SUGCT: variants seen among roughly 807,000 people sequenced by gnomAD.
The protein encoded by SUGCT is succinyl-CoA:glutarate-CoA transferase.
A neutral mutation model predicts 55.0 loss-of-function variants in SUGCT; 41 were observed. That is an observed-to-expected ratio of 0.74 (90% CI 0.58 to 0.97). The LOEUF (loss-of-function observed/expected upper bound fraction) is 0.97, where lower values mean the gene tolerates loss of function less well. Among genes scored for constraint, SUGCT ranks in the 50% least tolerant of loss-of-function variants. The probability of loss-of-function intolerance (pLI) is 0.00; values close to 1 mark genes in which losing one functional copy is unlikely to be tolerated. For synonymous variants in SUGCT, 187 were observed against 200.4 expected, an observed-to-expected ratio of 0.93 and a Z score of 0.56; for missense variants, 568 against 547.8, an observed-to-expected ratio of 1.04 and a Z score of -0.37.
At chr7:40,767,225 C>A (rs777654770) in intron 13 of SUGCT, among the ~76,000 whole-genome samples, 1 of 152,050 alleles carries the variant, frequency 6.6e-6, no homozygotes, top group African/African-American at 2.4e-5. Context: ...ACATAGGTGG[C>A]GTCTTCATAG....
chr7:40,316,953 C>CTTTTTTTTTTT, intron 9 of SUGCT, 98 bp downstream of exon 9: 12 of 183,516 alleles, frequency 6.5e-5, no homozygotes, highest in East Asian at 2.2e-4. Context: ...AATCCTTCAG[C>CTTTTTTTTTTT]TGTTTTTTTT....
At chr7:40,293,434 G>A (rs1305132013) in intron 8 of SUGCT, among the ~76,000 whole-genome samples, 2 of 152,188 alleles carry the variant, frequency 1.3e-5, no homozygotes, top group Non-Finnish European at 2.9e-5. Flanking sequence ...GGCATGGTCT[G>A]TGTACTGAGG....
intron 10 of SUGCT, among the ~76,000 whole-genome samples, chr7:40,453,302 C>T (rs185979785): frequency 2.6e-5 from 4 of 152,320 alleles, no homozygotes; most frequent in South Asian, 2.1e-4. Context: ...CCTCCATTCT[C>T]CTGTTGCATG....
intron 13 of SUGCT, among the ~76,000 whole-genome samples, chr7:40,826,489 A>C (rs1792317734): frequency 6.6e-6 from 1 of 152,204 alleles, no homozygotes; most frequent in Non-Finnish European, 1.5e-5. Flanking sequence ...AATCAGATGG[A>C]GAATGGGAGT....
intron 9 of SUGCT, among the ~76,000 whole-genome samples, chr7:40,447,578 G>A (rs892394622): frequency 6.6e-6 from 1 of 151,978 alleles, no homozygotes; most frequent in African/African-American, 2.4e-5. Flanking sequence ...ATAGAAGAAG[G>A]GAACAAAGGA....
At chr7:40,811,578 T>C (rs987206776) in intron 13 of SUGCT, among the ~76,000 whole-genome samples, 1 of 152,128 alleles carries the variant, frequency 6.6e-6, no homozygotes, top group Non-Finnish European at 1.5e-5. Context: ...TTGAACATTA[T>C]TGGTGTATAG....
chr7:40,931,370 G>A, the SUGCT span, among the ~76,000 whole-genome samples: 2 of 152,148 alleles, frequency 1.3e-5, no homozygotes, highest in East Asian at 3.9e-4. Flanking sequence ...CAGAGATATT[G>A]GTCTAAAATT....
intron 12 of SUGCT, among the ~76,000 whole-genome samples, chr7:40,744,606 G>T (rs1787637141): frequency 6.6e-6 from 1 of 152,038 alleles, no homozygotes; most frequent in Non-Finnish European, 1.5e-5. Context: ...GTGAAATCTT[G>T]GACAAATACT....
At chr7:40,156,755 G>A (rs371454198) in intron 1 of SUGCT, among the ~76,000 whole-genome samples, 29 of 152,134 alleles carry the variant, frequency 1.9e-4, no homozygotes, top group African/African-American at 6.8e-4. Context: ...GTTTCACTAT[G>A]TGTTATTAAG....
In SUGCT at chr7:40,173,513, T is replaced by G. The variant is rs543769091; in HGVS notation, c.101-7434T>G. ...AGGGGACCCAAAGGGGGTTGCCCAC[T>G]CCCGGCTCAAATGCCTGGGGTTTAT... On this transcript the variant is annotated intron_variant, in intron 1 of 13. Coordinates refer to ENST00000335693, the MANE Select transcript of SUGCT (RefSeq NM_001193313.2). 1.7e-4 allele frequency among the ~76,000 whole-genome samples: 26 copies of G among 152,296 alleles called. 1 individual carries two copies. The highest frequency in any genetic ancestry group is 1.6e-3 in the Admixed American group (24 of 15,294).
intron 13 of SUGCT, chr7:40,808,133 C>T (rs1791210652): frequency 6.6e-6 from 1 of 152,226 alleles, no homozygotes; most frequent in South Asian, 2.1e-4. Context: ...CTACTCCACC[C>T]TTACCCTGTT....
intron 6 of SUGCT, among the ~76,000 whole-genome samples, chr7:40,226,435 C>T (rs902844304): frequency 6.6e-6 from 1 of 152,114 alleles, no homozygotes; most frequent in African/African-American, 2.4e-5. Flanking sequence ...TTGCTGACCA[C>T]GTCTCATTTA....
the SUGCT span, among the ~76,000 whole-genome samples, chr7:40,937,489 G>A: frequency 6.6e-6 from 1 of 152,128 alleles, no homozygotes; most frequent in South Asian, 2.1e-4. Context: ...TATTGGAAGT[G>A]TTATATTAAA....
intron 12 of SUGCT, among the ~76,000 whole-genome samples, chr7:40,569,055 T>A (rs1386074371): frequency 6.6e-6 from 1 of 152,234 alleles, no homozygotes; most frequent in Non-Finnish European, 1.5e-5. Flanking sequence ...AGGTAACTTT[T>A]TAAAAATGAG....
At chr7:40,357,437 T>A (rs1797929783) in intron 9 of SUGCT, among the ~76,000 whole-genome samples, 1 of 152,232 alleles carries the variant, frequency 6.6e-6, no homozygotes, top group South Asian at 2.1e-4. Context: ...TAAAAAAATG[T>A]GACCCTACCA....
chr7:40,202,388 TG>T (rs1029940661), intron 6 of SUGCT, among the ~76,000 whole-genome samples: 7 of 152,186 alleles, frequency 4.6e-5, no homozygotes, highest in African/African-American at 1.4e-4. Context: ...CTTGGGAATG[TG>T]AAGAGGATGT....
chr7:40,682,171 C>A (rs1034676845), intron 12 of SUGCT, among the ~76,000 whole-genome samples: 23 of 152,178 alleles, frequency 1.5e-4, no homozygotes, highest in African/African-American at 5.5e-4. Flanking sequence ...GGGTTCCCCA[C>A]AGCCTGCTAA....
chr7:40,822,467 A>T, intron 13 of SUGCT, among the ~76,000 whole-genome samples: 1 of 152,078 alleles, frequency 6.6e-6, no homozygotes, highest in South Asian at 2.1e-4. Flanking sequence ...GTGCATATAT[A>T]TTTAGTATAG....
chr7:40,239,105 C>T (rs1198805875), intron 7 of SUGCT, among the ~76,000 whole-genome samples: 1 of 151,690 alleles, frequency 6.6e-6, no homozygotes, highest in Non-Finnish European at 1.5e-5. Flanking sequence ...CACATCTAGC[C>T]TGTTTTGTTT....
Sources: gnomAD v4.1 joint callset for allele counts (sites outside exome capture counted in the v4.1 genomes callset) on GRCh38, gnomAD v4.1.1 for gene constraint, MANE v1.5 for transcripts, NCBI Gene and HGNC (gene_info 2026-07-23, HGNC 2026-07-21) for gene names.